The following SBK1 variants were observed in gnomAD, a reference collection of about 807,000 sequenced individuals.
SBK1 encodes the protein serine/threonine-protein kinase SBK1.
SBK1 carries 11 observed loss-of-function variants against 24.4 expected under a neutral mutation model. The observed-to-expected ratio is 0.45, with a 90% confidence interval of 0.28 to 0.75. The LOEUF (loss-of-function observed/expected upper bound fraction) is 0.75, where lower values mean the gene tolerates loss of function less well. SBK1 is among the 30% of genes least tolerant of loss of function. SBK1 has a pLI of 0.12. For missense variants in SBK1, 467 were observed against 620.5 expected (o/e 0.75, Z 2.63); for synonymous variants, 308 against 284.4 (o/e 1.08, Z -0.83).
chr16:28,305,480 G>T (rs894934482), intron 1 of SBK1, among the ~76,000 whole-genome samples: 5 of 151,798 alleles, frequency 3.3e-5, no homozygotes, highest in African/African-American at 1.2e-4. Context: ...CCAAAGTGCT[G>T]GGATTACAGG....
Position 28,320,963 on chromosome 16 carries a change from G to GC in SBK1, c.*46dup, listed in dbSNP as rs1348423498. ...TCGGACCCGGGAGCAGCCCGGGCCC[G>GC]CCCCGAGCCGGTGCCCGGTGCGGCG... On this transcript the variant is annotated 3_prime_UTR_variant, in exon 4 of 4. Transcript: ENST00000341901. This position sits in a 1 kb window ranked among gnomAD's most constrained non-coding sequence, Gnocchi z 8.5. 3.0e-6 allele frequency: 4 copies of GC among 1,347,110 alleles called. No homozygotes were observed. Among genetic ancestry groups the GC allele is most frequent in the Non-Finnish European group, 3.8e-6 (4 of 1,054,694 alleles). 83.4% of individuals were successfully genotyped at this position (1,347,110 alleles called of 1,614,324 possible).
At chr16:28,313,818 T>G (rs2044771112) in intron 1 of SBK1, among the ~76,000 whole-genome samples, 1 of 151,304 alleles carries the variant, frequency 6.6e-6, no homozygotes, top group Admixed American at 6.6e-5. Flanking sequence ...CCGTGTGAAG[T>G]GGGAGGCTGG....
At chr16:28,279,106 C>T (rs2044512989) in intron 1 of SBK1, among the ~76,000 whole-genome samples, 1 of 151,374 alleles carries the variant, frequency 6.6e-6, no homozygotes, top group Non-Finnish European at 1.5e-5. Context: ...ATGCGGGAGG[C>T]TGAGGCAGGA....
upstream of SBK1, among the ~76,000 whole-genome samples, chr16:28,289,943 G>C (rs1208003698): frequency 6.6e-6 from 1 of 151,860 alleles, no homozygotes; most frequent in East Asian, 1.9e-4. Context: ...AAAATTAGCT[G>C]AGCCTGGTGG....
chr16:28,307,212 A>G (rs1180746654), intron 1 of SBK1, among the ~76,000 whole-genome samples: 1 of 152,214 alleles, frequency 6.6e-6, no homozygotes, highest in Non-Finnish European at 1.5e-5. Flanking sequence ...CCTGTCATGT[A>G]CCAAGCGCCT....
intron 1 of SBK1, among the ~76,000 whole-genome samples, chr16:28,280,050 T>C (rs1333721063): frequency 7.0e-6 from 1 of 142,692 alleles, no homozygotes; most frequent in Admixed American, 7.3e-5. Context: ...GGCACAAACA[T>C]AGCTCACTGA....
intron 1 of SBK1, among the ~76,000 whole-genome samples, chr16:28,303,447 A>G (rs1434382049): frequency 6.6e-6 from 1 of 151,596 alleles, no homozygotes; most frequent in African/African-American, 2.4e-5. Context: ...TGCAAATACA[A>G]ATGAGAAACC....
intron 1 of SBK1, among the ~76,000 whole-genome samples, chr16:28,280,178 TATATAC>T (rs1289453151): frequency 7.8e-6 from 1 of 127,948 alleles, no homozygotes; most frequent in African/African-American, 2.8e-5. Context: ...TGTGTATGTA[TATATAC>T]ATATATATGT....
At chr16:28,282,805 G>A (rs1026302749) in intron 1 of SBK1, among the ~76,000 whole-genome samples, 1 of 121,506 alleles carries the variant, frequency 8.2e-6, no homozygotes, top group Non-Finnish European at 1.8e-5. Flanking sequence ...CCCCTGCTTG[G>A]GGTAGGCTGA....
intron 1 of SBK1, among the ~76,000 whole-genome samples, chr16:28,278,858 G>A (rs1016886450): frequency 2.0e-5 from 3 of 152,210 alleles, no homozygotes; most frequent in Non-Finnish European, 4.4e-5. Flanking sequence ...GGTGTACAGC[G>A]ACGTGGTCCA....
At chr16:28,309,949 C>T (rs1280400798) in intron 1 of SBK1, among the ~76,000 whole-genome samples, 1 of 152,184 alleles carries the variant, frequency 6.6e-6, no homozygotes, top group Non-Finnish European at 1.5e-5. Context: ...TAGGCCTGAG[C>T]CAGACGATGA....
intron 1 of SBK1, among the ~76,000 whole-genome samples, chr16:28,263,515 A>C (rs2044410001): frequency 1.3e-5 from 2 of 152,132 alleles, no homozygotes. Flanking sequence ...GAGCACGGGG[A>C]GGGCTCAGTG....
At chr16:28,280,268 T>C (rs2044525353) in intron 1 of SBK1, among the ~76,000 whole-genome samples, 2 of 143,908 alleles carry the variant, frequency 1.4e-5, no homozygotes, top group South Asian at 4.3e-4. Flanking sequence ...TATACGTATA[T>C]ATGTACATAC....
At chr16:28,289,384 TAGAAG>T (rs1285306395), upstream of SBK1, among the ~76,000 whole-genome samples, 2 of 152,116 alleles carry the variant, frequency 1.3e-5, no homozygotes, top group Non-Finnish European at 2.9e-5. Context: ...ACAGAGTTCT[TAGAAG>T]AGAACTTGTT....
In SBK1 at chr16:28,322,923, T is replaced by TCTCTCTCC. The variant is rs761899333; in HGVS notation, c.*2010_*2017dup. On this transcript the variant is annotated 3_prime_UTR_variant, in exon 4 of 4. Transcript: ENST00000341901. The stretch of plus-strand genomic sequence containing the variant: ...CTCGCTCTCTCTCTCGCGCGCGCTC[T>TCTCTCTCC]CTCTCTCCCTCTCTCTCTCTCTCTC... The TCTCTCTCC allele has an allele frequency of 5.2e-5, 1 of 19,392 alleles. No homozygotes were observed. Among genetic ancestry groups the TCTCTCTCC allele is most frequent in the African/African-American group, 2.0e-4 (1 of 5,100 alleles). The allele number at this position is 19,392 out of a possible 1,614,324, so 1.2% of individuals were successfully genotyped here. A position where few individuals can be genotyped will look rare whatever the true frequency, so the allele number is the denominator to read the frequency against.
At position 28,292,843 on chromosome 16, in the gene SBK1, G is replaced by A; in HGVS notation, c.-465G>A. On this transcript the variant is annotated 5_prime_UTR_variant, in exon 1 of 4. Transcript: ENST00000341901. ...CGAGCGACTCCCCTGCGGGGAAAGC[G>A]GAGACTTCCTCGGTATTTAGAAGAC... 1 of 984,976 alleles carries A rather than the reference G, an allele frequency of 1.0e-6. No individual in the cohort carries two copies. Among genetic ancestry groups the A allele is most frequent in the Non-Finnish European group, 1.2e-6 (1 of 829,506 alleles). The allele number at this position is 984,976 out of a possible 1,614,324, so 61.0% of individuals were successfully genotyped here.
At chr16:28,269,720 A>G (rs1407792982) in intron 1 of SBK1, among the ~76,000 whole-genome samples, 1 of 150,916 alleles carries the variant, frequency 6.6e-6, no homozygotes, top group Non-Finnish European at 1.5e-5. Flanking sequence ...ATACAAAAAA[A>G]AAAAAATTAG....
At chr16:28,288,369 A>C (rs781290860), upstream of SBK1, among the ~76,000 whole-genome samples, 16 of 152,294 alleles carry the variant, frequency 1.1e-4, no homozygotes, top group Non-Finnish European at 2.1e-4. Context: ...AGAGGTCTGA[A>C]TGGCACATTT....
At chr16:28,287,742 C>A (rs2044575731), upstream of SBK1, among the ~76,000 whole-genome samples, 1 of 152,228 alleles carries the variant, frequency 6.6e-6, no homozygotes, top group Non-Finnish European at 1.5e-5. Flanking sequence ...TGGCTCATGG[C>A]AACCTCTGCC....
Sources: gnomAD v4.1 joint callset for allele counts (sites outside exome capture counted in the v4.1 genomes callset) on GRCh38, gnomAD v4.1.1 for gene constraint, Gnocchi (gnomAD v3.1) non-coding constraint, MANE v1.5 for transcripts, NCBI Gene and HGNC (gene_info 2026-07-23, HGNC 2026-07-21) for gene names.